USP48: variants seen among roughly 807,000 people sequenced by gnomAD.
USP48 encodes ubiquitin specific peptidase 48.
Under a neutral mutation model 150.7 loss-of-function variants are expected in USP48, and 43 were observed. The observed-to-expected ratio is 0.29, with a 90% CI of 0.22 to 0.37. The LOEUF (loss-of-function observed/expected upper bound fraction) is 0.37. Ranked by LOEUF, USP48 falls within the 10% of genes least tolerant of loss-of-function variation. The pLI is 1.00. For missense variants in USP48, 813 were observed against 1,249.6 expected, an observed-to-expected ratio of 0.65 and a Z score of 5.27; for synonymous variants, 396 against 425.9, an observed-to-expected ratio of 0.93 and a Z score of 0.86.
chr1:21,757,327 C>T (rs918630097), intron 2 of USP48: 1 of 175,824 alleles, frequency 5.7e-6, no homozygotes, highest in African/African-American at 2.4e-5. Context: ...AAGCAAAGTG[C>T]TATCATCATG....
At chr1:21,696,818 AG>A (rs1349074045) in intron 22 of USP48, among the ~76,000 whole-genome samples, 1 of 134,990 alleles carries the variant, frequency 7.4e-6, no homozygotes, top group Non-Finnish European at 1.5e-5. Flanking sequence ...TCCCTCATCA[AG>A]AGGTTAATGA....
chr1:21,724,318 A>G, intron 11 of USP48: 1 of 608,742 alleles, frequency 1.6e-6, no homozygotes, highest in Non-Finnish European at 2.9e-6. Flanking sequence ...GAGTCTGCAC[A>G]GTGCCCTATG....
intron 11 of USP48, chr1:21,724,302 A>C: frequency 1.6e-6 from 1 of 620,408 alleles, no homozygotes; most frequent in South Asian, 2.0e-5. Flanking sequence ...TGTGCACCAT[A>C]ATGCTGAGTC....
intron 9 of USP48, among the ~76,000 whole-genome samples, chr1:21,731,838 C>A (rs1466362435): frequency 6.6e-6 from 1 of 152,052 alleles, no homozygotes. Flanking sequence ...CACTGTACTG[C>A]AGCCTGGGTG....
intron 11 of USP48, chr1:21,725,203 G>A (rs1320834841): frequency 6.6e-6 from 1 of 152,206 alleles, no homozygotes; most frequent in Admixed American, 6.5e-5. Context: ...CAGAGGAAGA[G>A]CACAGGACTG....
intron 6 of USP48, 114 bp from the exon 7 acceptor site, chr1:21,748,385 C>T (rs917928338): frequency 3.1e-6 from 3 of 953,244 alleles, no homozygotes; most frequent in Non-Finnish European, 4.5e-6. Context: ...ACTTAAGCTA[C>T]TTAAAAACAG....
Position 21,729,780 on chromosome 1 carries a change from A to G in USP48, c.1224T>C (p.His408=). 6.2e-7 allele frequency: 1 copy of G among 1,614,144 alleles called. No individual in the cohort carries two copies. The highest frequency in any genetic ancestry group is 8.5e-7 in the Non-Finnish European group (1 of 1,179,996). The change falls in exon 10 of 27, where the codon CAT becomes CAC. Residue 408 remains histidine, a synonymous_variant. Transcript: ENST00000308271. ...CCAACATATATGCATTTCGAGAGCA[A>G]TGAGTTCCTTTGCCACACTTGGGTT... is the stretch of plus-strand genomic sequence containing the variant. ...TRKPKCGKGT[H]CSRNAYMLVY... is the part of the protein sequence containing the mutation.
chr1:21,731,407 G>A (rs1012793411), intron 9 of USP48, among the ~76,000 whole-genome samples: 1 of 151,736 alleles, frequency 6.6e-6, no homozygotes, highest in African/African-American at 2.4e-5. Flanking sequence ...AGGATTACAG[G>A]CGTGTGTCAC....
chr1:21,747,111 C>T lies in USP48; in HGVS notation c.947G>A (p.Gly316Asp). The change falls in exon 8 of 27, where the codon GGC becomes GAC. Residue 316 changes from glycine to aspartate, a missense_variant. Transcript: ENST00000308271. ...GHKKKLNTYIGFSEILDMEPY... is the reference protein window; with the variant it reads ...GHKKKLNTYIDFSEILDMEPY... ...CTCCATATCCAAAATTTCTGAGAAGCCAATGTAGGTATTCAGCTTTTTCTT... is the reference window on the plus strand; with the variant it reads ...CTCCATATCCAAAATTTCTGAGAAGTCAATGTAGGTATTCAGCTTTTTCTT... 6.2e-7 allele frequency: 1 copy of T among 1,611,774 alleles called. No homozygotes were observed. The highest frequency in any genetic ancestry group is 1.1e-5 in the South Asian group (1 of 90,720).
intron 26 of USP48, among the ~76,000 whole-genome samples, chr1:21,680,602 A>G (rs935329537): frequency 9.9e-5 from 15 of 152,272 alleles, no homozygotes; most frequent in Non-Finnish European, 1.9e-4. Flanking sequence ...CTAACACAAA[A>G]GCCCCAGCTG....
At chr1:21,766,746 T>C (rs576591102) in intron 1 of USP48, among the ~76,000 whole-genome samples, 1 of 152,182 alleles carries the variant, frequency 6.6e-6, no homozygotes, top group East Asian at 1.9e-4. Context: ...TGGAGTGCAC[T>C]GCAACCTCTA....
chr1:21,753,210 C>G, intron 3 of USP48, 91 bp from the exon 4 acceptor site: 1 of 1,259,882 alleles, frequency 7.9e-7, no homozygotes, highest in Non-Finnish European at 1.1e-6. Flanking sequence ...AGAACATAAA[C>G]ATCTCTACAT....
chr1:21,771,211 T>C (rs945020993), intron 1 of USP48, among the ~76,000 whole-genome samples: 2 of 151,762 alleles, frequency 1.3e-5, no homozygotes, highest in African/African-American at 4.8e-5. Context: ...CCGTCTCTAC[T>C]AAAAATACAA....
intron 1 of USP48, among the ~76,000 whole-genome samples, chr1:21,771,763 C>T (rs938984705): frequency 8.7e-5 from 13 of 150,074 alleles, no homozygotes; most frequent in African/African-American, 3.2e-4. Flanking sequence ...CTACTAAAAA[C>T]ACAAAATTAG....
At chr1:21,703,463 A>C in intron 21 of USP48, 49 bp downstream of exon 21, 1 of 1,466,854 alleles carries the variant, frequency 6.8e-7, no homozygotes, top group Non-Finnish European at 9.5e-7. Flanking sequence ...AATCAAGCCA[A>C]AGAGCACGCT....
chr1:21,756,943 G>A (rs1027672138), intron 2 of USP48: 6 of 985,266 alleles, frequency 6.1e-6, no homozygotes, highest in Middle Eastern at 5.2e-4. Flanking sequence ...CTAGCATATC[G>A]TCTTCTCCAG....
At position 21,706,836 on chromosome 1, in the gene USP48, G is replaced by A. The variant is rs897231245; in HGVS notation, c.1996C>T (p.Leu666Phe). 1 of 1,612,522 alleles carries A rather than the reference G, an allele frequency of 6.2e-7. No individual in the cohort carries two copies. The highest frequency in any genetic ancestry group is 2.2e-5 in the East Asian group (1 of 44,834). The change falls in exon 16 of 27, where the codon CTT becomes TTT. Residue 666 changes from leucine to phenylalanine, a missense_variant. Transcript: ENST00000308271. ...ELCISENERR[L>F]VSKEAWSKLQ... ...TTGCTCCAAGCCTCTTTAGAAACAA[G>A]CCTTCTTTCATTTTCAGATATGCAT...
intron 24 of USP48, among the ~76,000 whole-genome samples, chr1:21,689,261 A>G (rs1035431858): frequency 2.1e-5 from 3 of 145,770 alleles, no homozygotes; most frequent in Non-Finnish European, 4.5e-5. Flanking sequence ...AGTTGCAGAC[A>G]TCAGTATCAT....
At position 21,763,465 on chromosome 1, in the gene USP48, G is replaced by C. The variant is rs189537232; in HGVS notation, c.135-5682C>G. On this transcript the variant is annotated intron_variant, in intron 1 of 26. Coordinates refer to ENST00000308271, the MANE Select transcript of USP48 (RefSeq NM_032236.8). The stretch of plus-strand genomic sequence containing the variant: ...GCCTTTCATACATAGCCCAATATGG[G>C]GGGGCGGGGTTGTGTTTGTTCTCTT... Among the ~76,000 whole-genome samples, 273 of 152,286 alleles carry C rather than the reference G, an allele frequency of 1.8e-3. 3 individuals are homozygous for C. The East Asian group carries it at 0.035, about 20-fold the overall frequency.
Sources: gnomAD v4.1 joint callset for allele counts (sites outside exome capture counted in the v4.1 genomes callset) on GRCh38, gnomAD v4.1.1 for gene constraint, MANE v1.5 for transcripts, NCBI Gene and HGNC (gene_info 2026-07-23, HGNC 2026-07-21) for gene names.